EDIL3: variants seen among roughly 807,000 people sequenced by gnomAD.
The protein encoded by EDIL3 is EGF-like repeat and discoidin I-like domain-containing protein 3.
EDIL3 carries 37 observed loss-of-function variants against 67.4 expected under a neutral mutation model. The ratio of observed to expected loss-of-function variants is 0.55; its 90% CI spans 0.42 to 0.72. The LOEUF (loss-of-function observed/expected upper bound fraction) is 0.72. Ranked by LOEUF, EDIL3 falls within the 30% of genes least tolerant of loss-of-function variation. The pLI is 0.00. For synonymous variants in EDIL3, 195 were observed against 196.3 expected (o/e 0.99, Z 0.05); for missense variants, 527 against 586.3 (o/e 0.90, Z 1.04).
intron 1 of EDIL3, among the ~76,000 whole-genome samples, chr5:84,367,732 G>A (rs1005828698): frequency 1.3e-5 from 2 of 152,114 alleles, no homozygotes; most frequent in Non-Finnish European, 2.9e-5. Flanking sequence ...TCAGTGAGCC[G>A]AGATGGCTCC....
At chr5:84,256,361 A>G (rs996815778) in intron 1 of EDIL3, among the ~76,000 whole-genome samples, 1 of 152,170 alleles carries the variant, frequency 6.6e-6, no homozygotes, top group African/African-American at 2.4e-5. Flanking sequence ...CAATTATACT[A>G]CACAGTAGTA....
At chr5:84,306,211 G>C (rs945240753) in intron 1 of EDIL3, among the ~76,000 whole-genome samples, 21 of 152,178 alleles carry the variant, frequency 1.4e-4, no homozygotes, top group African/African-American at 5.1e-4. Flanking sequence ...TGTCAGGTAA[G>C]AAGGTCATTG....
At chr5:84,381,167 C>A (rs1329885602) in intron 1 of EDIL3, among the ~76,000 whole-genome samples, 1 of 152,020 alleles carries the variant, frequency 6.6e-6, no homozygotes, top group Non-Finnish European at 1.5e-5. Flanking sequence ...AAACCATATA[C>A]ATTTAAAACA....
At chr5:84,143,348 G>A (rs164436) in intron 4 of EDIL3, among the ~76,000 whole-genome samples, 65,309 of 151,698 alleles carry the variant, frequency 0.43, 14,772 homozygotes, top group East Asian at 0.78. Flanking sequence ...CAGTCAGAAC[G>A]TATCACACAC....
At chr5:84,196,470 G>A (rs914761098) in intron 3 of EDIL3, among the ~76,000 whole-genome samples, 1 of 151,840 alleles carries the variant, frequency 6.6e-6, no homozygotes, top group Non-Finnish European at 1.5e-5. Context: ...TGGCTTTAAC[G>A]CCTTCTAACA....
chr5:84,186,676 C>CTA (rs1743461212), intron 3 of EDIL3, among the ~76,000 whole-genome samples: 1 of 152,020 alleles, frequency 6.6e-6, no homozygotes, highest in Non-Finnish European at 1.5e-5. Flanking sequence ...GCAGCCAAAA[C>CTA]TATAGTACAT....
At chr5:84,116,520 C>T (rs1034354433) in intron 5 of EDIL3, among the ~76,000 whole-genome samples, 1 of 152,128 alleles carries the variant, frequency 6.6e-6, no homozygotes, top group Non-Finnish European at 1.5e-5. Context: ...CTCTCTAAGT[C>T]ACAACCTCAG....
In EDIL3 at chr5:84,074,544, G is replaced by T. The variant is rs1006163130; in HGVS notation, c.652-7938C>A. 3.5e-3 allele frequency among the ~76,000 whole-genome samples: 530 copies of T among 152,128 alleles called. 11 individuals carry two copies. The highest frequency in any genetic ancestry group is 0.034 in the Admixed American group (518 of 15,272). On this transcript the variant is annotated intron_variant, in intron 6 of 10. Transcript: ENST00000296591. ...CCATCAAAAAGTGGGCAAAGGACAT[G>T]AACAGACACTTCTCAAAAGAAGACA... is the stretch of plus-strand genomic sequence containing the variant.
intron 4 of EDIL3, among the ~76,000 whole-genome samples, chr5:84,156,500 T>C (rs561757298): frequency 8.5e-5 from 13 of 152,314 alleles, no homozygotes; most frequent in African/African-American, 2.4e-4. Context: ...TCTCGCTACT[T>C]TTAGTCTATT....
At chr5:84,356,917 G>GTC (rs1339220629) in intron 1 of EDIL3, among the ~76,000 whole-genome samples, 17 of 32,540 alleles carry the variant, frequency 5.2e-4, no homozygotes, top group Non-Finnish European at 7.1e-4. Context: ...TTTTTTTTTG[G>GTC]TCTCTCTCTC....
intron 9 of EDIL3, among the ~76,000 whole-genome samples, chr5:84,032,072 T>C (rs1326494865): frequency 1.3e-5 from 2 of 152,188 alleles, no homozygotes. Context: ...CCCCATTTAA[T>C]TAAAAATAAA....
chr5:84,051,807 T>C (rs900341283), intron 9 of EDIL3, among the ~76,000 whole-genome samples: 1 of 152,172 alleles, frequency 6.6e-6, no homozygotes, highest in Non-Finnish European at 1.5e-5. Context: ...TATGGGACTA[T>C]GTGAAAAGAC....
intron 6 of EDIL3, among the ~76,000 whole-genome samples, chr5:84,087,605 G>T (rs1438487348): frequency 6.6e-6 from 1 of 152,120 alleles, no homozygotes; most frequent in Non-Finnish European, 1.5e-5. Context: ...TTTATGAAAG[G>T]TTAGTCACTA....
At chr5:84,378,226 A>G (rs1259757792) in intron 1 of EDIL3, among the ~76,000 whole-genome samples, 1 of 152,158 alleles carries the variant, frequency 6.6e-6, no homozygotes, top group Non-Finnish European at 1.5e-5. Context: ...AACATTTTTG[A>G]CCAAGTCTTT....
intron 1 of EDIL3, among the ~76,000 whole-genome samples, chr5:84,356,885 C>CTTTTTTTTTTTTT (rs1229298711): frequency 5.1e-5 from 2 of 39,344 alleles, no homozygotes; most frequent in African/African-American, 1.7e-4. Context: ...AACAATCTTT[C>CTTTTTTTTTTTTT]TTTCTTTTTT....
intron 9 of EDIL3, among the ~76,000 whole-genome samples, chr5:84,052,189 A>G (rs2112225800): frequency 6.6e-6 from 1 of 152,296 alleles, no homozygotes; most frequent in Non-Finnish European, 1.5e-5. Context: ...TCAACCCAGA[A>G]TTTCATATCC....
chr5:84,318,095 C>A (rs1411899764), intron 1 of EDIL3, among the ~76,000 whole-genome samples: 1 of 152,092 alleles, frequency 6.6e-6, no homozygotes, highest in Non-Finnish European at 1.5e-5. Flanking sequence ...AGGAATACAA[C>A]TTACAAGGTA....
intron 3 of EDIL3, among the ~76,000 whole-genome samples, chr5:84,220,608 T>A (rs949036128): frequency 6.6e-6 from 1 of 152,194 alleles, no homozygotes; most frequent in African/African-American, 2.4e-5. Context: ...CTTCATTGAT[T>A]GGTGACCTAG....
intron 1 of EDIL3, among the ~76,000 whole-genome samples, chr5:84,334,900 G>A (rs756894625): frequency 2.0e-5 from 3 of 152,018 alleles, no homozygotes; most frequent in Non-Finnish European, 4.4e-5. Context: ...TGGGTCAGAG[G>A]TCTCTTAAAT....
Sources: gnomAD v4.1 joint callset for allele counts (sites outside exome capture counted in the v4.1 genomes callset) on GRCh38, gnomAD v4.1.1 for gene constraint, MANE v1.5 for transcripts, NCBI Gene and HGNC (gene_info 2026-07-23, HGNC 2026-07-21) for gene names.